Variants in SH3BGRL observed in about 807,000 individuals in gnomAD.
SH3BGRL encodes SH3 domain binding glutamate rich protein like, also known as adapter SH3BGRL.
SH3BGRL carries 7 observed loss-of-function variants against 9.8 expected under a neutral mutation model. The observed-to-expected ratio is 0.72, with a 90% CI of 0.41 to 1.35. The LOEUF is 1.35. Ranked by LOEUF, SH3BGRL falls within the 40% of genes most tolerant of loss-of-function variation. The probability of loss-of-function intolerance (pLI) is 0.01; values close to 1 mark genes in which losing one functional copy is unlikely to be tolerated. For missense variants in SH3BGRL, 73 were observed against 84.4 expected (o/e 0.86, Z 0.53); for synonymous variants, 36 against 29.1 (o/e 1.24, Z -0.76).
At chrX:81,213,842 C>G (rs1569356939) in intron 1 of SH3BGRL, among the ~76,000 whole-genome samples, 1 of 111,713 alleles carries the variant, frequency 9.0e-6, no homozygotes, top group Non-Finnish European at 1.9e-5. Flanking sequence ...ACAGGCCACC[C>G]AAGTGGAGAT....
chrX:81,206,170 C>T (rs1278236873), intron 1 of SH3BGRL, among the ~76,000 whole-genome samples: 2 of 110,888 alleles, frequency 1.8e-5, no homozygotes, highest in African/African-American at 6.6e-5. Context: ...TTAGGTTTCT[C>T]CTTACTCTAT....
chrX:81,237,310 T>A (rs930430344), intron 1 of SH3BGRL: 1 of 325,274 alleles, frequency 3.1e-6, no homozygotes. Context: ...GGTTTTAACA[T>A]CATATTGGTG....
At chrX:81,220,023 T>C (rs2075595770) in intron 1 of SH3BGRL, among the ~76,000 whole-genome samples, 1 of 111,326 alleles carries the variant, frequency 9.0e-6, no homozygotes, top group African/African-American at 3.3e-5. Context: ...ATTTTTTTAG[T>C]ATTTTGTTGA....
chrX:81,279,416 A>G (rs2075808677), intron 3 of SH3BGRL, among the ~76,000 whole-genome samples: 1 of 111,194 alleles, frequency 9.0e-6, no homozygotes, highest in Non-Finnish European at 1.9e-5. Context: ...AATAGACTGC[A>G]AGAACAAACC....
At chrX:81,223,885 T>G (rs977104491) in intron 1 of SH3BGRL, among the ~76,000 whole-genome samples, 9 of 110,728 alleles carry the variant, frequency 8.1e-5, no homozygotes, top group Non-Finnish European at 1.7e-4. Context: ...GGGATCTTGC[T>G]ATGTTGCCCA....
intron 3 of SH3BGRL, among the ~76,000 whole-genome samples, chrX:81,288,902 A>T (rs2075846926): frequency 1.8e-5 from 2 of 111,875 alleles, no homozygotes; most frequent in Admixed American, 9.5e-5. Context: ...TATCAATGAC[A>T]TTCTTCACAG....
In SH3BGRL at chrX:81,297,962, A is replaced by G. The variant is rs1184957962; in HGVS notation, c.*735A>G. On this transcript the variant is annotated 3_prime_UTR_variant, in exon 4 of 4. Transcript: ENST00000373212. ...TTCCTTGCCTCAGTGAAATATGCAT[A>G]TGTATATCATGAAAGTGGGATGCCA... The G allele has an allele frequency of 8.9e-6, 1 of 111,944 alleles. No individual in the cohort carries two copies. Among genetic ancestry groups the G allele is most frequent in the Non-Finnish European group, 1.9e-5 (1 of 52,986 alleles). 9.2% of individuals were successfully genotyped at this position (111,944 alleles called of 1,213,427 possible).
chrX:81,211,190 C>G (rs972473859), intron 1 of SH3BGRL, among the ~76,000 whole-genome samples: 1 of 111,664 alleles, frequency 9.0e-6, no homozygotes, highest in African/African-American at 3.3e-5. Flanking sequence ...AAGAAAGCTT[C>G]TAGAAGTGTG....
chrX:81,237,869 A>G (rs1387749309), intron 1 of SH3BGRL, among the ~76,000 whole-genome samples: 1 of 105,483 alleles, frequency 9.5e-6, no homozygotes, highest in Non-Finnish European at 1.9e-5. Flanking sequence ...AAGAGTGGGG[A>G]GGACTTTGTC....
chrX:81,281,470 C>A (rs947003105), intron 3 of SH3BGRL, among the ~76,000 whole-genome samples: 5 of 112,059 alleles, frequency 4.5e-5, no homozygotes, highest in Admixed American at 9.5e-5. Context: ...CTGCAGATTT[C>A]TCAGCAAAAA....
chrX:81,243,734 C>T (rs2075679422), intron 1 of SH3BGRL, among the ~76,000 whole-genome samples: 1 of 110,917 alleles, frequency 9.0e-6, no homozygotes, highest in African/African-American at 3.3e-5. Context: ...TAAGTAAATT[C>T]TTACTTGATT....
chrX:81,215,036 A>T (rs2075577210), intron 1 of SH3BGRL, among the ~76,000 whole-genome samples: 1 of 111,039 alleles, frequency 9.0e-6, no homozygotes, highest in Admixed American at 9.6e-5. Context: ...TTCCTTTAAG[A>T]TTTCTGGGCT....
chrX:81,275,525 C>A (rs1371194931), intron 1 of SH3BGRL, among the ~76,000 whole-genome samples: 1 of 112,116 alleles, frequency 8.9e-6, no homozygotes, highest in African/African-American at 3.2e-5. Context: ...GAAATTGAAA[C>A]CATTGATTTA....
At position 81,202,181 on chromosome X, in the gene SH3BGRL, C is replaced by T; in HGVS notation, c.-20C>T. On this transcript the variant is annotated 5_prime_UTR_variant, in exon 1 of 4. Coordinates refer to ENST00000373212, the MANE Select transcript of SH3BGRL (RefSeq NM_003022.3). Reference sequence around the variant, plus strand: ...ACAGCCCTTTTCAGGACCCAAACAACCGCAGCCGCTGTTCCCAGGATGGTG... The same window carrying T: ...ACAGCCCTTTTCAGGACCCAAACAATCGCAGCCGCTGTTCCCAGGATGGTG... 8.3e-7 allele frequency: 1 copy of T among 1,207,708 alleles called. No homozygotes were observed. Among genetic ancestry groups the T allele is most frequent in the Non-Finnish European group, 1.1e-6 (1 of 893,080 alleles).
intron 1 of SH3BGRL, among the ~76,000 whole-genome samples, chrX:81,230,916 A>T (rs1315539678): frequency 8.9e-6 from 1 of 111,765 alleles, no homozygotes; most frequent in Non-Finnish European, 1.9e-5. Flanking sequence ...ATAAAAAAAA[A>T]TCTTAGATTT....
At chrX:81,244,697 G>T (rs2075682542) in intron 1 of SH3BGRL, among the ~76,000 whole-genome samples, 1 of 111,093 alleles carries the variant, frequency 9.0e-6, no homozygotes, top group Admixed American at 9.5e-5. Flanking sequence ...TGTGCAGAAT[G>T]TGCAGGATTT....
At chrX:81,263,165 G>C (rs1286720124) in intron 1 of SH3BGRL, among the ~76,000 whole-genome samples, 1 of 110,294 alleles carries the variant, frequency 9.1e-6, no homozygotes, top group Non-Finnish European at 1.9e-5. Flanking sequence ...GGAACAAAGA[G>C]AGAAAAAGCA....
intron 1 of SH3BGRL, among the ~76,000 whole-genome samples, chrX:81,224,390 T>G (rs2147675016): frequency 8.9e-6 from 1 of 111,793 alleles, no homozygotes; most frequent in African/African-American, 3.2e-5. Flanking sequence ...ACCTTAACTC[T>G]ACTTCCTAGG....
At chrX:81,267,401 G>A (rs772958879) in intron 1 of SH3BGRL, among the ~76,000 whole-genome samples, 22 of 111,728 alleles carry the variant, frequency 2.0e-4, no homozygotes, top group Non-Finnish European at 3.0e-4. Context: ...AGTTTATTGA[G>A]AGTTTTTAGC....
Sources: gnomAD v4.1 joint callset for allele counts (sites outside exome capture counted in the v4.1 genomes callset) on GRCh38, gnomAD v4.1.1 for gene constraint, MANE v1.5 for transcripts, NCBI Gene and HGNC (gene_info 2026-07-23, HGNC 2026-07-21) for gene names.